The following BACH2 variants were observed in gnomAD, a reference collection of about 807,000 sequenced individuals.
BACH2 encodes the protein BACH transcriptional regulator 2, also known as transcription regulator protein BACH2.
A neutral mutation model predicts 61.8 loss-of-function variants in BACH2; 5 were observed. That is an observed-to-expected ratio of 0.08 (90% CI 0.04 to 0.17). The LOEUF (loss-of-function observed/expected upper bound fraction) is 0.17, where lower values mean the gene tolerates loss of function less well. Ranked by LOEUF, BACH2 falls within the 10% of genes least tolerant of loss-of-function variation. The pLI is 1.00. For synonymous variants in BACH2, 446 were observed against 440.1 expected (o/e 1.01, Z -0.17); for missense variants, 824 against 1,091.1 (o/e 0.76, Z 3.45).
intron 6 of BACH2, among the ~76,000 whole-genome samples, chr6:89,953,938 T>A (rs374189456): frequency 6.6e-6 from 1 of 152,354 alleles, no homozygotes; most frequent in East Asian, 1.9e-4. Flanking sequence ...TAAGCTGACA[T>A]GGTAATAGGT....
intron 5 of BACH2, among the ~76,000 whole-genome samples, chr6:90,040,285 C>T (rs561060120): frequency 6.6e-6 from 1 of 152,014 alleles, no homozygotes; most frequent in East Asian, 1.9e-4. Flanking sequence ...TTTCTTTTTC[C>T]CAGAAGGCTA....
intron 4 of BACH2, among the ~76,000 whole-genome samples, chr6:90,183,367 T>C (rs143783068): frequency 1.3e-5 from 2 of 152,336 alleles, no homozygotes; most frequent in East Asian, 1.9e-4. Flanking sequence ...ATATATAACA[T>C]ACAGTCAGTA....
At chr6:90,028,643 C>T (rs531891042) in intron 5 of BACH2, among the ~76,000 whole-genome samples, 49 of 152,306 alleles carry the variant, frequency 3.2e-4, no homozygotes, top group South Asian at 8.3e-4. Context: ...GGTCACAAGG[C>T]GTAAGCAACT....
intron 4 of BACH2, among the ~76,000 whole-genome samples, chr6:90,096,229 G>A (rs146613385): frequency 2.0e-5 from 3 of 152,250 alleles, no homozygotes; most frequent in Admixed American, 6.5e-5. Context: ...TCTGTCCCTT[G>A]ACTATGCAAA....
intron 3 of BACH2, among the ~76,000 whole-genome samples, chr6:90,221,748 A>C (rs1213876329): frequency 6.6e-6 from 1 of 152,176 alleles, no homozygotes; most frequent in African/African-American, 2.4e-5. Context: ...ACACCTAAAA[A>C]AGGAGGGACA....
At chr6:90,208,905 G>T (rs1284777527) in intron 3 of BACH2, among the ~76,000 whole-genome samples, 2 of 152,118 alleles carry the variant, frequency 1.3e-5, no homozygotes, top group Non-Finnish European at 2.9e-5. Flanking sequence ...CCTTTGCAGG[G>T]ATATGGAGGA....
At chr6:89,942,981 AT>A (rs967777493) in intron 7 of BACH2, among the ~76,000 whole-genome samples, 6 of 151,654 alleles carry the variant, frequency 4.0e-5, no homozygotes, top group Admixed American at 1.3e-4. Context: ...AGCTTTACAC[AT>A]TTTTTTTCTT....
intron 3 of BACH2, among the ~76,000 whole-genome samples, chr6:90,233,638 C>T (rs1285866118): frequency 6.6e-6 from 1 of 152,122 alleles, no homozygotes. Flanking sequence ...ATAGGGTCCT[C>T]GACAAAATGC....
At chr6:89,999,185 C>T (rs1408528783) in intron 6 of BACH2, among the ~76,000 whole-genome samples, 1 of 152,208 alleles carries the variant, frequency 6.6e-6, no homozygotes, top group Non-Finnish European at 1.5e-5. Context: ...CAATGTTTGC[C>T]TTCTATTCAG....
intron 3 of BACH2, chr6:90,218,133 G>A (rs780883927): frequency 6.6e-6 from 1 of 152,058 alleles, no homozygotes; most frequent in Non-Finnish European, 1.5e-5. Flanking sequence ...TTGGCGTCAG[G>A]ACAAAGCAAA....
intron 4 of BACH2, among the ~76,000 whole-genome samples, chr6:90,099,014 T>C (rs76568896): frequency 0.036 from 5,518 of 152,350 alleles, 132 homozygotes; most frequent in South Asian, 0.089. Flanking sequence ...GTCACTTTCC[T>C]TGTGGTCCTT....
chr6:90,201,121 CA>C (rs1768942890), intron 4 of BACH2, among the ~76,000 whole-genome samples: 1 of 152,124 alleles, frequency 6.6e-6, no homozygotes, highest in South Asian at 2.1e-4. Context: ...TATGGTTATT[CA>C]AAAATTACTA....
intron 6 of BACH2, among the ~76,000 whole-genome samples, chr6:89,985,077 T>G (rs563604837): frequency 6.6e-6 from 1 of 152,132 alleles, no homozygotes; most frequent in Admixed American, 6.5e-5. Context: ...GTTACTTCCG[T>G]GTGGTGGGCG....
At chr6:90,238,966 A>G (rs1030674540) in intron 3 of BACH2, among the ~76,000 whole-genome samples, 3 of 152,182 alleles carry the variant, frequency 2.0e-5, no homozygotes, top group African/African-American at 4.8e-5. Flanking sequence ...AAATTAAGAA[A>G]AAGTATACAT....
intron 5 of BACH2, among the ~76,000 whole-genome samples, chr6:90,030,073 C>A (rs1359496819): frequency 6.6e-6 from 1 of 152,206 alleles, no homozygotes; most frequent in African/African-American, 2.4e-5. Context: ...TGGCTCTATA[C>A]AATGTGGATC....
intron 4 of BACH2, among the ~76,000 whole-genome samples, chr6:90,165,756 T>C (rs1767588835): frequency 6.6e-6 from 1 of 152,246 alleles, no homozygotes; most frequent in African/African-American, 2.4e-5. Context: ...TAATGCCGCG[T>C]ATCTACAACC....
At chr6:90,244,108 GA>G (rs1770550887) in intron 3 of BACH2, among the ~76,000 whole-genome samples, 1 of 152,020 alleles carries the variant, frequency 6.6e-6, no homozygotes, top group African/African-American at 2.4e-5. Context: ...TTTTAGTAGG[GA>G]CAGGGTTTCA....
chr6:90,135,108 A>C (rs114491152), intron 4 of BACH2, among the ~76,000 whole-genome samples: 15 of 152,270 alleles, frequency 9.9e-5, no homozygotes, highest in African/African-American at 3.1e-4. Context: ...TGCTAAAGCC[A>C]TTTTCTTCCG....
At chr6:90,122,957 T>C (rs1193111571) in intron 4 of BACH2, among the ~76,000 whole-genome samples, 1 of 152,048 alleles carries the variant, frequency 6.6e-6, no homozygotes, top group Non-Finnish European at 1.5e-5. Context: ...ATCTAGAATG[T>C]TTTGCTTAAC....
Sources: allele counts gnomAD v4.1 joint callset (sites outside exome capture counted in the v4.1 genomes callset), GRCh38; gene constraint gnomAD v4.1.1; transcripts MANE v1.5; gene names NCBI Gene and HGNC (gene_info 2026-07-23, HGNC 2026-07-21).